Variants in CCDC38 observed in about 807,000 individuals in gnomAD.
CCDC38 encodes the protein coiled-coil domain-containing protein 38.
A neutral mutation model predicts 72.8 loss-of-function variants in CCDC38; 69 were observed. The ratio of observed to expected loss-of-function variants is 0.95; its 90% CI spans 0.78 to 1.16. CCDC38 has a LOEUF of 1.16. Ranked by LOEUF, CCDC38 falls within the 50% of genes most tolerant of loss-of-function variation. The probability of loss-of-function intolerance (pLI) is 0.00; values close to 1 mark genes in which losing one functional copy is unlikely to be tolerated. For synonymous variants in CCDC38, 201 were observed against 213.2 expected, an observed-to-expected ratio of 0.94 and a Z score of 0.50; for missense variants, 626 against 638.9, an observed-to-expected ratio of 0.98 and a Z score of 0.22.
At chr12:95,896,304 A>G (rs1215485756) in intron 7 of CCDC38, among the ~76,000 whole-genome samples, 3 of 152,160 alleles carry the variant, frequency 2.0e-5, no homozygotes, top group Admixed American at 6.5e-5. Flanking sequence ...ATATTGAGTG[A>G]CTTGGACCAA....
chr12:95,888,546 G>A (rs746388892), intron 9 of CCDC38, 40 bp from the exon 10 acceptor site: 1 of 1,599,048 alleles, frequency 6.3e-7, no homozygotes, highest in South Asian at 1.1e-5. Flanking sequence ...CGTTGGTGAT[G>A]GTGGAGTGAA....
chr12:95,908,234 C>T lies in CCDC38; in HGVS notation c.305-1783G>A, dbSNP rs1359811063. On this transcript the variant is annotated intron_variant, in intron 4 of 15. Coordinates refer to ENST00000344280, the MANE Select transcript of CCDC38 (RefSeq NM_182496.3). The stretch of plus-strand genomic sequence containing the variant: ...CGGCACCTCGGGAGGCCGAGGCTGG[C>T]GGATCACTCGCGGTTAGGAGCTGGA... Among the ~76,000 whole-genome samples, 605 of 151,552 alleles carry T rather than the reference C, an allele frequency of 4.0e-3. 3 individuals carry two copies. The highest frequency in any genetic ancestry group is 0.014 in the African/African-American group (584 of 41,388).
intron 4 of CCDC38, among the ~76,000 whole-genome samples, chr12:95,910,366 G>A (rs779928199): frequency 5.3e-5 from 8 of 151,744 alleles, no homozygotes; most frequent in African/African-American, 1.9e-4. Flanking sequence ...ACAAAGAGGT[G>A]TAAGAACTCT....
intron 14 of CCDC38, among the ~76,000 whole-genome samples, chr12:95,871,745 C>T (rs911220346): frequency 1.3e-5 from 2 of 151,862 alleles, no homozygotes; most frequent in Admixed American, 1.3e-4. Context: ...GTTGCTCAGA[C>T]TTTCAAACAA....
intron 1 of CCDC38, among the ~76,000 whole-genome samples, chr12:95,942,022 G>GT (rs1451750865): frequency 2.0e-5 from 3 of 151,784 alleles, no homozygotes; most frequent in Middle Eastern, 3.2e-3. Context: ...TCTGTTCCAG[G>GT]TTTTTTTAAT....
intron 2 of CCDC38, among the ~76,000 whole-genome samples, chr12:95,921,369 G>A (rs1003256625): frequency 2.0e-5 from 3 of 152,026 alleles, no homozygotes; most frequent in Admixed American, 6.6e-5. Context: ...TCTGAGACTC[G>A]GTAGTTTACA....
At chr12:95,929,913 C>T (rs1565968555) in intron 2 of CCDC38, among the ~76,000 whole-genome samples, 1 of 152,168 alleles carries the variant, frequency 6.6e-6, no homozygotes, top group Non-Finnish European at 1.5e-5. Context: ...TGGCTCTAGA[C>T]ATTCATTGGC....
chr12:95,920,803 A>T (rs773169641), intron 2 of CCDC38, among the ~76,000 whole-genome samples: 11 of 152,072 alleles, frequency 7.2e-5, no homozygotes, highest in Admixed American at 1.3e-4. Context: ...TAATTGTTCT[A>T]CACTAAATAA....
chr12:95,891,017 A>T (rs1200948354), intron 8 of CCDC38, 87 bp from the exon 9 acceptor site: 5 of 710,972 alleles, frequency 7.0e-6, no homozygotes, highest in Non-Finnish European at 1.2e-5. Flanking sequence ...TCTCAGGGTG[A>T]AGATAGAGTT....
At chr12:95,893,482 C>CTTTCTT (rs1565950023) in intron 8 of CCDC38, among the ~76,000 whole-genome samples, 1 of 129,486 alleles carries the variant, frequency 7.7e-6, no homozygotes. Flanking sequence ...CTCTCTCTCT[C>CTTTCTT]TCTTTCTTTC....
At chr12:95,870,013 G>A (rs912255705) in intron 14 of CCDC38, among the ~76,000 whole-genome samples, 9 of 151,924 alleles carry the variant, frequency 5.9e-5, no homozygotes, top group East Asian at 1.9e-4. Flanking sequence ...TAGTAGAGAC[G>A]GGGTGTCACC....
intron 13 of CCDC38, 54 bp from the exon 14 acceptor site, chr12:95,872,514 A>G: frequency 8.8e-7 from 1 of 1,138,868 alleles, no homozygotes; most frequent in South Asian, 1.3e-5. Context: ...TTCAATAAAT[A>G]TACCATTTTA....
Position 95,878,192 on chromosome 12 carries a change from T to C in CCDC38, c.1278+19A>G. 1 of 1,611,328 alleles carries C rather than the reference T, an allele frequency of 6.2e-7. No individual in the cohort carries two copies. The highest frequency in any genetic ancestry group is 8.5e-7 in the Non-Finnish European group (1 of 1,179,108). On this transcript the variant is annotated intron_variant, in intron 13 of 15. Transcript: ENST00000344280. ...ATCATGAGCCAAAATGAAATCACCA[T>C]AGGCAAAGAGTGATTTACCTGAGCA...
chr12:95,928,310 C>G (rs1370663496), intron 2 of CCDC38, among the ~76,000 whole-genome samples: 1 of 152,198 alleles, frequency 6.6e-6, no homozygotes, highest in African/African-American at 2.4e-5. Flanking sequence ...CGCTGATACC[C>G]TTTCTTCCAG....
chr12:95,917,187 A>C lies in CCDC38; in HGVS notation c.246T>G (p.Ser82Arg), dbSNP rs780422509. ...GCCCAAACTTTTCAAATGACCTACCACTCCTTTTAGGGTAGAAAGCTAGTT... is the reference window on the plus strand; with the variant it reads ...GCCCAAACTTTTCAAATGACCTACCCCTCCTTTTAGGGTAGAAAGCTAGTT... ...LSQLAFYPKR[S>R]GRSFEKFGPG... Residue 82 changes from serine to arginine, a missense_variant, in exon 4 of 16, where the codon AGT becomes AGG. Physicochemically the swap from Ser to Arg is moderately radical, Grantham distance 110 (BLOSUM62 -1). Coordinates refer to ENST00000344280, the MANE Select transcript of CCDC38 (RefSeq NM_182496.3). 1.4e-5 allele frequency: 22 copies of C among 1,606,572 alleles called. No homozygotes were observed. In the East Asian group the frequency reaches 4.1e-4, roughly 30 times the overall value.
At chr12:95,875,684 C>T (rs2079628120) in intron 13 of CCDC38, among the ~76,000 whole-genome samples, 1 of 152,160 alleles carries the variant, frequency 6.6e-6, no homozygotes, top group Non-Finnish European at 1.5e-5. Context: ...TCCTGCTTCA[C>T]CTCCCCTTCC....
intron 1 of CCDC38, among the ~76,000 whole-genome samples, chr12:95,940,089 T>G (rs2080432817): frequency 6.7e-6 from 1 of 149,850 alleles, no homozygotes; most frequent in Non-Finnish European, 1.5e-5. Context: ...GAAGAAGTGA[T>G]CCCTTATACT....
At chr12:95,872,019 G>A (rs555918000) in intron 14 of CCDC38, among the ~76,000 whole-genome samples, 24 of 152,128 alleles carry the variant, frequency 1.6e-4, no homozygotes, top group Non-Finnish European at 3.2e-4. Flanking sequence ...TGTTCACCCA[G>A]TTCCTTCCTT....
intron 4 of CCDC38, among the ~76,000 whole-genome samples, chr12:95,907,030 C>G (rs916495719): frequency 8.6e-5 from 13 of 151,792 alleles, no homozygotes; most frequent in African/African-American, 2.2e-4. Flanking sequence ...TGACTCTTAA[C>G]GAGCATGCTG....
Sources: allele counts gnomAD v4.1 joint callset (sites outside exome capture counted in the v4.1 genomes callset), GRCh38; gene constraint gnomAD v4.1.1; transcripts MANE v1.5; gene names NCBI Gene and HGNC (gene_info 2026-07-23, HGNC 2026-07-21).